Variants in STXBP5 observed in about 807,000 individuals in gnomAD.
STXBP5 encodes syntaxin-binding protein 5.
A neutral mutation model predicts 152.4 loss-of-function variants in STXBP5; 50 were observed. That is an observed-to-expected ratio of 0.33 (90% CI 0.26 to 0.42). The LOEUF is 0.42. Ranked by LOEUF, STXBP5 falls within the 10% of genes least tolerant of loss-of-function variation. The pLI is 1.00. For missense variants in STXBP5, 1,167 were observed against 1,388.6 expected (o/e 0.84, Z 2.54); for synonymous variants, 492 against 494.7 (o/e 0.99, Z 0.07).
intron 16 of STXBP5, 123 bp from the exon 17 acceptor site, chr6:147,324,834 GAA>G: frequency 2.1e-6 from 2 of 938,408 alleles, no homozygotes; most frequent in South Asian, 9.5e-5. Flanking sequence ...AATGCTTCTA[GAA>G]AACAGGATTC....
chr6:147,304,709 C>T (rs1782001944), intron 9 of STXBP5, among the ~76,000 whole-genome samples: 1 of 152,172 alleles, frequency 6.6e-6, no homozygotes, highest in South Asian at 2.1e-4. Flanking sequence ...AGGGGCAGAG[C>T]TGTCAAGACC....
chr6:147,326,528 C>T (rs1231016961), intron 17 of STXBP5, among the ~76,000 whole-genome samples: 1 of 152,152 alleles, frequency 6.6e-6, no homozygotes, highest in Admixed American at 6.5e-5. Flanking sequence ...CTTACATGTC[C>T]TCTTTTACTT....
At chr6:147,369,165 C>T (rs976184492) in intron 25 of STXBP5, among the ~76,000 whole-genome samples, 10 of 151,850 alleles carry the variant, frequency 6.6e-5, no homozygotes, top group African/African-American at 2.4e-4. Flanking sequence ...CAGAAATAAA[C>T]ACATACATGG....
chr6:147,216,433 A>C (rs180891494), intron 2 of STXBP5, among the ~76,000 whole-genome samples: 2 of 152,140 alleles, frequency 1.3e-5, no homozygotes, highest in South Asian at 2.1e-4. Context: ...AGGCTCCCAG[A>C]ATAAAATTCA....
chr6:147,267,277 A>G, intron 7 of STXBP5, 110 bp downstream of exon 7: 1 of 768,320 alleles, frequency 1.3e-6, no homozygotes, highest in Admixed American at 2.7e-5. Context: ...AATTGCAGTA[A>G]TACACAATTT....
At chr6:147,306,940 A>G (rs1401390247) in intron 9 of STXBP5, among the ~76,000 whole-genome samples, 1 of 152,230 alleles carries the variant, frequency 6.6e-6, no homozygotes, top group Non-Finnish European at 1.5e-5. Flanking sequence ...CGTAGACTAG[A>G]CATAGGAGCA....
intron 3 of STXBP5, 76 bp downstream of exon 3, chr6:147,235,407 C>A: frequency 8.8e-7 from 1 of 1,139,044 alleles, no homozygotes; most frequent in East Asian, 2.4e-5. Context: ...TTCTTACATG[C>A]ATTCACAATT....
intron 6 of STXBP5, among the ~76,000 whole-genome samples, chr6:147,263,913 G>T (rs1779762534): frequency 6.6e-6 from 1 of 151,708 alleles, no homozygotes; most frequent in Non-Finnish European, 1.5e-5. Context: ...GCATATCTCA[G>T]CTCCCCTGAA....
Position 147,339,718 on chromosome 6 carries a change from T to G in STXBP5, c.2254+334T>G, listed in dbSNP as rs555407986. 1.1e-4 allele frequency among the ~76,000 whole-genome samples: 16 copies of G among 152,062 alleles called. No homozygotes were observed. The East Asian group carries it at 3.1e-3, about 29-fold the overall frequency. On this transcript the variant is annotated intron_variant, in intron 21 of 27. Coordinates refer to ENST00000321680, the MANE Select transcript of STXBP5 (RefSeq NM_001127715.4). ...TTGAAGCAATGGTTTCTTTATAGTTTTATTTGTGTTTTTTCTACCTTTATT... is the reference window on the plus strand; with the variant it reads ...TTGAAGCAATGGTTTCTTTATAGTTGTATTTGTGTTTTTTCTACCTTTATT...
intron 2 of STXBP5, among the ~76,000 whole-genome samples, chr6:147,220,161 C>G (rs901940340): frequency 9.9e-5 from 15 of 151,958 alleles, no homozygotes; most frequent in Admixed American, 2.0e-4. Flanking sequence ...TTTGTTTAAT[C>G]TCTACATATT....
intron 4 of STXBP5, among the ~76,000 whole-genome samples, chr6:147,260,029 G>C (rs542717646): frequency 3.2e-4 from 48 of 152,288 alleles, no homozygotes; most frequent in African/African-American, 1.1e-3. Context: ...ACTGAGTACA[G>C]GTGATCTCAG....
intron 27 of STXBP5, among the ~76,000 whole-genome samples, chr6:147,383,418 C>T (rs1477484232): frequency 6.6e-6 from 1 of 151,976 alleles, no homozygotes; most frequent in Non-Finnish European, 1.5e-5. Flanking sequence ...TTTAAATAAA[C>T]AATACTAAGT....
At chr6:147,236,522 G>T (rs1778276858) in intron 3 of STXBP5, among the ~76,000 whole-genome samples, 1 of 152,078 alleles carries the variant, frequency 6.6e-6, no homozygotes, top group Non-Finnish European at 1.5e-5. Flanking sequence ...CCAGGAAAAT[G>T]ACATCAAAAC....
chr6:147,354,651 G>A (rs924687823), intron 22 of STXBP5, among the ~76,000 whole-genome samples: 1 of 151,998 alleles, frequency 6.6e-6, no homozygotes, highest in African/African-American at 2.4e-5. Context: ...GTAAACACAT[G>A]TAAATATACT....
At chr6:147,222,879 C>T (rs1777528631) in intron 2 of STXBP5, among the ~76,000 whole-genome samples, 1 of 152,196 alleles carries the variant, frequency 6.6e-6, no homozygotes, top group South Asian at 2.1e-4. Context: ...TATTTTGAGC[C>T]TCCGGCTATT....
At position 147,342,992 on chromosome 6, in the gene STXBP5, A is replaced by G. The variant is rs1405965896; in HGVS notation, c.2254+3608A>G. ...TATTACTAATTTTCTTATGGAAGGA[A>G]TGATTACCAAATTCCTTCTGGTTAC... is the stretch of plus-strand genomic sequence containing the variant. On this transcript the variant is annotated intron_variant, in intron 21 of 27. Coordinates refer to ENST00000321680, the MANE Select transcript of STXBP5 (RefSeq NM_001127715.4). 3.3e-5 allele frequency among the ~76,000 whole-genome samples: 5 copies of G among 152,244 alleles called. No homozygotes were observed. The East Asian group carries it at 9.6e-4, about 29-fold the overall frequency.
At position 147,363,518 on chromosome 6, in the gene STXBP5, G is replaced by C. The variant is rs1420609267; in HGVS notation, c.2729G>C (p.Ser910Thr). 3 of 1,614,130 alleles carry C rather than the reference G, an allele frequency of 1.9e-6. No homozygotes were observed. Among genetic ancestry groups the C allele is most frequent in the Admixed American group, 3.3e-5 (2 of 60,000 alleles). Residue 910 changes from serine to threonine, a missense_variant, in exon 24 of 28, where the codon AGT becomes ACT. Ser to Thr is a moderately conservative substitution (Grantham distance 58, BLOSUM62 1). Around this residue, in one of 3 missense-constraint regions of STXBP5, gnomAD observed 833 missense variants for 986.3 expected, o/e 0.84. Coordinates refer to ENST00000321680, the MANE Select transcript of STXBP5 (RefSeq NM_001127715.4). ...TCCCCCTCCTCTTCTCAGGAAATTA[G>C]TGAAAACCAGTATGCAGTGATATGT... ...SVSPSSSQEI[S>T]ENQYAVICSE...
intron 25 of STXBP5, among the ~76,000 whole-genome samples, chr6:147,372,166 G>A (rs1221114887): frequency 6.6e-6 from 1 of 152,050 alleles, no homozygotes; most frequent in East Asian, 1.9e-4. Flanking sequence ...GTCCACTTCA[G>A]TCTTATAAAT....
intron 14 of STXBP5, 140 bp downstream of exon 14, chr6:147,314,776 A>G (rs958329342): frequency 1.4e-5 from 8 of 572,944 alleles, no homozygotes; most frequent in Non-Finnish European, 2.8e-6. Flanking sequence ...TATTAAATAC[A>G]TGAGTTTAGA....
Sources: gnomAD v4.1 joint callset for allele counts (sites outside exome capture counted in the v4.1 genomes callset) on GRCh38, gnomAD v4.1.1 for gene constraint, gnomAD v4.1.1 regional missense constraint, MANE v1.5 for transcripts, NCBI Gene and HGNC (gene_info 2026-07-23, HGNC 2026-07-21) for gene names.